PLA2G5: variants seen among roughly 807,000 people sequenced by gnomAD.
PLA2G5 encodes the protein phospholipase A2 group V.
Under a neutral mutation model 15.9 loss-of-function variants are expected in PLA2G5, and 12 were observed. The ratio of observed to expected loss-of-function variants is 0.76; its 90% CI spans 0.48 to 1.23. The LOEUF is 1.23. Among genes scored for constraint, PLA2G5 ranks in the 50% most tolerant of loss-of-function variants. PLA2G5 has a pLI of 0.00. For synonymous variants in PLA2G5, 71 were observed against 71.4 expected, an observed-to-expected ratio of 0.99 and a Z score of 0.03; for missense variants, 169 against 177.1, an observed-to-expected ratio of 0.95 and a Z score of 0.26.
At chr1:20,076,562 G>A (rs1017871238) in intron 1 of PLA2G5, among the ~76,000 whole-genome samples, 5 of 148,488 alleles carry the variant, frequency 3.4e-5, no homozygotes, top group Admixed American at 6.7e-5. Context: ...TGTGACCTTG[G>A]ATGAGGTACC....
At chr1:20,051,454 G>GT (rs1322298766) in intron 1 of PLA2G5, among the ~76,000 whole-genome samples, 1 of 152,112 alleles carries the variant, frequency 6.6e-6, no homozygotes, top group Non-Finnish European at 1.5e-5. Context: ...CTGATCCTTT[G>GT]TTTTTTCAGA....
intron 2 of PLA2G5, among the ~76,000 whole-genome samples, chr1:20,085,333 C>A (rs1483974903): frequency 6.6e-6 from 1 of 151,532 alleles, no homozygotes; most frequent in East Asian, 2.0e-4. Context: ...TCCCATCCTG[C>A]GGCCCCGTGA....
At chr1:20,060,912 T>C (rs764110259) in intron 2 of PLA2G5, among the ~76,000 whole-genome samples, 22 of 152,000 alleles carry the variant, frequency 1.4e-4, no homozygotes, top group South Asian at 4.1e-4. Flanking sequence ...AGATGGGATT[T>C]TTCCATGTTG....
chr1:20,055,198 A>AC (rs907902786), intron 1 of PLA2G5, among the ~76,000 whole-genome samples: 10 of 151,748 alleles, frequency 6.6e-5, no homozygotes, highest in African/African-American at 2.4e-4. Flanking sequence ...AGATGATGAA[A>AC]CCCCCACACA....
chr1:20,069,437 C>T (rs2100521683), upstream of PLA2G5, among the ~76,000 whole-genome samples: 1 of 152,208 alleles, frequency 6.6e-6, no homozygotes, highest in Non-Finnish European at 1.5e-5. Context: ...CTTTGGAAGG[C>T]TGAGGCAGGT....
intron 1 of PLA2G5, among the ~76,000 whole-genome samples, chr1:20,039,582 ATTTAC>A (rs1434742907): frequency 1.3e-5 from 2 of 152,108 alleles, no homozygotes; most frequent in Non-Finnish European, 2.9e-5. Flanking sequence ...CCTTATTGCA[ATTTAC>A]TTAGTCTGAT....
intron 1 of PLA2G5, among the ~76,000 whole-genome samples, chr1:20,049,134 T>C (rs745537243): frequency 2.6e-5 from 4 of 152,132 alleles, no homozygotes; most frequent in Non-Finnish European, 5.9e-5. Flanking sequence ...CATAATTTTA[T>C]ATGAGAAAGA....
intron 1 of PLA2G5, among the ~76,000 whole-genome samples, chr1:20,040,729 A>T (rs1311745932): frequency 6.6e-6 from 1 of 152,194 alleles, no homozygotes; most frequent in Non-Finnish European, 1.5e-5. Context: ...CACTAAGCTA[A>T]AGGGAAAAGT....
intron 1 of PLA2G5, among the ~76,000 whole-genome samples, chr1:20,033,503 TATGGGAAGATGCAATTGTA>T (rs2013081844): frequency 6.6e-6 from 1 of 152,170 alleles, no homozygotes; most frequent in Non-Finnish European, 1.5e-5. Context: ...TCCTGTAGGT[TATGGGAAGATGCAATTGTA>T]ATGTGTTGGT....
chr1:20,037,381 G>A (rs2013317620), intron 1 of PLA2G5, among the ~76,000 whole-genome samples: 1 of 152,120 alleles, frequency 6.6e-6, no homozygotes, highest in Non-Finnish European at 1.5e-5. Context: ...ACTGGGGAAC[G>A]CCTTCAAAGA....
At position 20,090,909 on chromosome 1, in the gene PLA2G5, C is replaced by A; in HGVS notation, c.*217C>A. On this transcript the variant is annotated 3_prime_UTR_variant, in exon 5 of 5. Coordinates refer to ENST00000375108, the MANE Select transcript of PLA2G5 (RefSeq NM_000929.3). ...TTGGTAGGGTCCCAGGGTCCCTAGGCCTCCACTTCTGAGGGCAGCCCCTCT... is the reference window on the plus strand; with the variant it reads ...TTGGTAGGGTCCCAGGGTCCCTAGGACTCCACTTCTGAGGGCAGCCCCTCT... 2.0e-6 allele frequency: 1 copy of A among 498,356 alleles called. No homozygotes were observed. The highest frequency in any genetic ancestry group is 3.6e-6 in the Non-Finnish European group (1 of 279,382). 30.9% of individuals were successfully genotyped at this position (498,356 alleles called of 1,614,324 possible).
intron 1 of PLA2G5, among the ~76,000 whole-genome samples, chr1:20,075,101 C>T (rs1411964116): frequency 6.6e-6 from 1 of 152,202 alleles, no homozygotes; most frequent in Non-Finnish European, 1.5e-5. Flanking sequence ...TTGGGGGTCA[C>T]GCATGTGATT....
At chr1:20,069,090 A>G, upstream of PLA2G5, 1 of 475,410 alleles carries the variant, frequency 2.1e-6, no homozygotes, top group South Asian at 1.5e-5. Context: ...GAAAACAATG[A>G]TACGCAATTT....
chr1:20,068,611 C>T (rs544369607), upstream of PLA2G5, among the ~76,000 whole-genome samples: 133 of 152,024 alleles, frequency 8.7e-4, 1 homozygote, highest in African/African-American at 3.2e-3. Flanking sequence ...GCCACCATGC[C>T]TGGCTAATTT....
chr1:20,031,670 G>T (rs1021729801), intron 1 of PLA2G5, among the ~76,000 whole-genome samples: 2 of 150,066 alleles, frequency 1.3e-5, no homozygotes, highest in Non-Finnish European at 3.0e-5. Context: ...GGGGTGGGGG[G>T]TGTGGGGAGG....
At chr1:20,084,303 A>G (rs1198432898) in intron 1 of PLA2G5, among the ~76,000 whole-genome samples, 10 of 152,200 alleles carry the variant, frequency 6.6e-5, no homozygotes. Context: ...GACATCCTTA[A>G]AAACAGGCAA....
intron 1 of PLA2G5, among the ~76,000 whole-genome samples, chr1:20,048,408 C>G (rs774477874): frequency 6.6e-6 from 1 of 152,252 alleles, no homozygotes; most frequent in Middle Eastern, 3.4e-3. Flanking sequence ...TTACAAAACT[C>G]TAAACCAAGC....
At chr1:20,058,354 C>T (rs1398051757) in intron 1 of PLA2G5, among the ~76,000 whole-genome samples, 2 of 152,184 alleles carry the variant, frequency 1.3e-5, no homozygotes, top group East Asian at 1.9e-4. Flanking sequence ...CTTGAAAAAT[C>T]GACCTCTTCA....
intron 1 of PLA2G5, among the ~76,000 whole-genome samples, chr1:20,042,985 C>T (rs1774143): frequency 0.55 from 82,758 of 151,676 alleles, 24,198 homozygotes; most frequent in Non-Finnish European, 0.67. Context: ...GAGAAGCAGA[C>T]GGACGGAAAG....
Sources: allele counts gnomAD v4.1 joint callset (sites outside exome capture counted in the v4.1 genomes callset), GRCh38; gene constraint gnomAD v4.1.1; transcripts MANE v1.5; gene names NCBI Gene and HGNC (gene_info 2026-07-23, HGNC 2026-07-21).